Variants in PPP6R2 observed in about 807,000 individuals in gnomAD.
PPP6R2 encodes the protein protein phosphatase 6 regulatory subunit 2.
Under a neutral mutation model 100.2 loss-of-function variants are expected in PPP6R2, and 62 were observed. The observed-to-expected ratio is 0.62, with a 90% CI of 0.50 to 0.76. The LOEUF is 0.76. Among genes scored for constraint, PPP6R2 ranks in the 30% least tolerant of loss-of-function variants. PPP6R2 has a pLI of 0.00. For missense variants in PPP6R2, 1,142 were observed against 1,276.3 expected (o/e 0.89, Z 1.60); for synonymous variants, 525 against 514.7 (o/e 1.02, Z -0.27).
chr22:50,387,470 T>C lies in PPP6R2; in HGVS notation c.-16-6423T>C, dbSNP rs529767583. Among the ~76,000 whole-genome samples, 33 of 152,318 alleles carry C rather than the reference T, an allele frequency of 2.2e-4. No individual in the cohort carries two copies. The South Asian group carries it at 6.4e-3, about 30-fold the overall frequency. On this transcript the variant is annotated intron_variant, in intron 2 of 23. Coordinates refer to ENST00000612753, the MANE Select transcript of PPP6R2 (RefSeq NM_001242898.2). ...GTCTTTTTTCCCCGGTGGACTATGC[T>C]CAGGATCGACATAGTCTTGTTTGTT...
At chr22:50,351,027 T>C (rs112727677) in intron 1 of PPP6R2, among the ~76,000 whole-genome samples, 2 of 40,432 alleles carry the variant, frequency 4.9e-5, no homozygotes, top group East Asian at 6.3e-4. Flanking sequence ...CTCAACAGTG[T>C]TTTTTTTTTT....
intron 13 of PPP6R2, among the ~76,000 whole-genome samples, 189 bp from the exon 14 acceptor site, chr22:50,436,178 C>T (rs1161297068): frequency 1.3e-5 from 2 of 152,370 alleles, no homozygotes; most frequent in Non-Finnish European, 2.9e-5. Flanking sequence ...CCCCAGGCCC[C>T]TCCGGACACG....
chr22:50,360,519 C>T (rs954651057), intron 1 of PPP6R2, among the ~76,000 whole-genome samples: 1 of 152,056 alleles, frequency 6.6e-6, no homozygotes, highest in African/African-American at 2.4e-5. Flanking sequence ...CATGCCACCA[C>T]ACCTGGCTAA....
chr22:50,417,567 G>T (rs2060712381), intron 6 of PPP6R2, among the ~76,000 whole-genome samples: 2 of 152,190 alleles, frequency 1.3e-5, no homozygotes, highest in African/African-American at 4.8e-5. Flanking sequence ...GAAAACAGTG[G>T]TGCTGACTCG....
chr22:50,391,068 G>A (rs2055414678), intron 2 of PPP6R2, among the ~76,000 whole-genome samples: 1 of 151,842 alleles, frequency 6.6e-6, no homozygotes, highest in Non-Finnish European at 1.5e-5. Context: ...GACATTTTGG[G>A]AGGCCAAGGC....
intron 4 of PPP6R2, 77 bp downstream of exon 4, chr22:50,406,952 G>C (rs189576394): frequency 7.0e-7 from 1 of 1,424,384 alleles, no homozygotes; most frequent in Non-Finnish European, 9.8e-7. Flanking sequence ...TGAGCCTGGC[G>C]GTGCGACTCA....
chr22:50,367,861 C>T lies in PPP6R2; in HGVS notation c.-147-4159C>T, dbSNP rs146101209. On this transcript the variant is annotated intron_variant, in intron 1 of 23. Coordinates refer to ENST00000612753, the MANE Select transcript of PPP6R2 (RefSeq NM_001242898.2). Reference sequence around the variant, plus strand: ...GTTGGGCCTGGGGGACCACTACTACCAAGACACGGAGACCCGTAGTGGCCC... The same window carrying T: ...GTTGGGCCTGGGGGACCACTACTACTAAGACACGGAGACCCGTAGTGGCCC... Among the ~76,000 whole-genome samples, 654 of 152,166 alleles carry T rather than the reference C, an allele frequency of 4.3e-3. 4 individuals are homozygous for T. The highest frequency in any genetic ancestry group is 0.015 in the African/African-American group (626 of 41,510).
chr22:50,414,493 A>C, intron 4 of PPP6R2, 59 bp from the exon 5 acceptor site: 6 of 1,571,504 alleles, frequency 3.8e-6, no homozygotes, highest in Non-Finnish European at 3.5e-6. Context: ...TTTTTGGAGG[A>C]GGTGTCTCAG....
chr22:50,335,422 A>G, the PPP6R2 span, among the ~76,000 whole-genome samples: 2 of 147,404 alleles, frequency 1.4e-5, no homozygotes, highest in African/African-American at 5.0e-5. Flanking sequence ...CTGGTCTCAA[A>G]CTGACCTTGT....
chr22:50,348,908 A>G (rs2044350034), intron 1 of PPP6R2, among the ~76,000 whole-genome samples: 1 of 151,482 alleles, frequency 6.6e-6, no homozygotes, highest in Admixed American at 6.6e-5. Context: ...AACAAAAAGC[A>G]GGGCCGGGCG....
intron 13 of PPP6R2, 52 bp downstream of exon 13, chr22:50,435,133 G>A (rs760750165): frequency 2.1e-6 from 3 of 1,403,348 alleles, no homozygotes; most frequent in South Asian, 1.5e-5. Flanking sequence ...CCGGGACCCC[G>A]AAGGAGCTGC....
intron 12 of PPP6R2, among the ~76,000 whole-genome samples, chr22:50,433,072 C>T (rs1256568154): frequency 6.6e-6 from 1 of 152,282 alleles, no homozygotes; most frequent in African/African-American, 2.4e-5. Flanking sequence ...TCTGTTTCCT[C>T]ATCTGTCTCA....
Position 50,423,930 on chromosome 22 carries a change from C to T in PPP6R2, c.1125+316C>T, listed in dbSNP as rs1328045269. Among the ~76,000 whole-genome samples, 2 of 152,208 alleles carry T rather than the reference C, an allele frequency of 1.3e-5. No homozygotes were observed. The highest frequency in any genetic ancestry group is 4.8e-5 in the African/African-American group (2 of 41,452). ...CCTCCTTTCTCATGTTCTGACTGAA[C>T]AACATAGAACTTACACGGTGGTTAT... is the stretch of plus-strand genomic sequence containing the variant. On this transcript the variant is annotated intron_variant, in intron 10 of 23. Coordinates refer to ENST00000612753, the MANE Select transcript of PPP6R2 (RefSeq NM_001242898.2). This position sits in a 1 kb window ranked among gnomAD's most constrained non-coding sequence, Gnocchi z 4.8.
At chr22:50,400,785 G>A (rs1398584447) in intron 3 of PPP6R2, among the ~76,000 whole-genome samples, 2 of 152,264 alleles carry the variant, frequency 1.3e-5, no homozygotes, top group African/African-American at 2.4e-5. Flanking sequence ...GGTCAACAGT[G>A]GATATCCATT....
intron 22 of PPP6R2, among the ~76,000 whole-genome samples, chr22:50,442,591 C>T (rs1427191058): frequency 6.6e-6 from 1 of 152,068 alleles, no homozygotes; most frequent in Non-Finnish European, 1.5e-5. Flanking sequence ...GCTCTGTTGC[C>T]CAGGCTGGAG....
chr22:50,402,331 T>TC (rs1365654016), intron 3 of PPP6R2, among the ~76,000 whole-genome samples: 3 of 146,326 alleles, frequency 2.1e-5, no homozygotes, highest in African/African-American at 4.9e-5. Context: ...CCAGTTTCTT[T>TC]TTTTTTTTTT....
rs1603349335 is a variant in PPP6R2 at position 50,422,790 on chromosome 22, C to T, written c.972+410C>T. 2.6e-5 allele frequency among the ~76,000 whole-genome samples: 4 copies of T among 152,304 alleles called. No homozygotes were observed. In the South Asian group the frequency reaches 8.3e-4, roughly 32 times the overall value. ...TCAGACTGCCAGCCAGGCAACTCCC[C>T]ATCCCGTCTCACCCTCCCCAGACAC... On this transcript the variant is annotated intron_variant, in intron 9 of 23. Transcript: ENST00000612753.
At position 50,368,627 on chromosome 22, in the gene PPP6R2, A is replaced by C. The variant is rs532419087; in HGVS notation, c.-147-3393A>C. Among the ~76,000 whole-genome samples the C allele has an allele frequency of 3.9e-5, 6 of 152,300 alleles. No homozygotes were observed. The South Asian group carries it at 1.2e-3, about 32-fold the overall frequency. On this transcript the variant is annotated intron_variant, in intron 1 of 23. Transcript: ENST00000612753. Reference sequence around the variant, plus strand: ...TATATTTTATTTATTATACTGGAACAGCTCGTGCCCTCAGTCTCTTGCCTT... The same window carrying C: ...TATATTTTATTTATTATACTGGAACCGCTCGTGCCCTCAGTCTCTTGCCTT...
chr22:50,351,026 G>GTTTTTT (rs1195469509), intron 1 of PPP6R2, among the ~76,000 whole-genome samples: 4 of 80,742 alleles, frequency 5.0e-5, no homozygotes, highest in African/African-American at 5.1e-5. Flanking sequence ...TCTCAACAGT[G>GTTTTTT]TTTTTTTTTT....
Sources: allele counts gnomAD v4.1 joint callset (sites outside exome capture counted in the v4.1 genomes callset), GRCh38; gene constraint gnomAD v4.1.1; non-coding constraint Gnocchi (gnomAD v3.1); transcripts MANE v1.5; gene names NCBI Gene and HGNC (gene_info 2026-07-23, HGNC 2026-07-21).